The following EFCAB6 variants were observed in gnomAD, a reference collection of about 807,000 sequenced individuals.
The protein encoded by EFCAB6 is EF-hand calcium binding domain 6.
EFCAB6 carries 156 observed loss-of-function variants against 169.8 expected under a neutral mutation model. The observed-to-expected ratio is 0.92, with a 90% CI of 0.81 to 1.05. The LOEUF is 1.05. Ranked by LOEUF, EFCAB6 falls within the 50% of genes least tolerant of loss-of-function variation. The probability of loss-of-function intolerance (pLI) is 0.00; values close to 1 mark genes in which losing one functional copy is unlikely to be tolerated. For synonymous variants in EFCAB6, 698 were observed against 676.4 expected (o/e 1.03, Z -0.50); for missense variants, 1,800 against 1,829.1 (o/e 0.98, Z 0.29).
At chr22:43,556,427 T>A (rs1456441401) in intron 26 of EFCAB6, among the ~76,000 whole-genome samples, 2 of 152,106 alleles carry the variant, frequency 1.3e-5, no homozygotes, top group Non-Finnish European at 2.9e-5. Context: ...AAGAAAGCTG[T>A]TCCTGTACGT....
chr22:43,595,372 G>C (rs1357469397), intron 23 of EFCAB6, among the ~76,000 whole-genome samples: 1 of 151,866 alleles, frequency 6.6e-6, no homozygotes, highest in African/African-American at 2.4e-5. Context: ...CAAACTTTTA[G>C]CTAGACTATG....
At chr22:43,641,987 C>A (rs2055835847) in intron 17 of EFCAB6, among the ~76,000 whole-genome samples, 2 of 152,196 alleles carry the variant, frequency 1.3e-5, no homozygotes. Context: ...ATTGCCCAGT[C>A]TGAAGTGCAA....
intron 5 of EFCAB6, among the ~76,000 whole-genome samples, chr22:43,762,728 C>T (rs1258031068): frequency 1.3e-5 from 2 of 152,134 alleles, no homozygotes; most frequent in African/African-American, 4.8e-5. Context: ...TGATCTCTTT[C>T]ATCTCAAATT....
chr22:43,682,856 C>T (rs192103460), intron 12 of EFCAB6, among the ~76,000 whole-genome samples: 3 of 152,300 alleles, frequency 2.0e-5, no homozygotes, highest in East Asian at 3.9e-4. Context: ...ATTCAAAGAA[C>T]CCCATGTTCC....
intron 5 of EFCAB6, among the ~76,000 whole-genome samples, chr22:43,764,246 T>C (rs1283988515): frequency 1.3e-5 from 2 of 151,572 alleles, no homozygotes; most frequent in Non-Finnish European, 2.9e-5. Context: ...GCTGTTCCCA[T>C]CTTTATGTCC....
At chr22:43,552,841 G>T (rs1051924314) in intron 27 of EFCAB6, 5 of 151,994 alleles carry the variant, frequency 3.3e-5, no homozygotes, top group African/African-American at 1.2e-4. Context: ...TTGATTACTT[G>T]GCCCCATAGA....
intron 6 of EFCAB6, among the ~76,000 whole-genome samples, chr22:43,755,124 A>G (rs2060908330): frequency 6.6e-6 from 1 of 152,228 alleles, no homozygotes; most frequent in Non-Finnish European, 1.5e-5. Flanking sequence ...TCAAACCAAC[A>G]TATTGAATCA....
chr22:43,590,742 C>CAA (rs553431883), intron 23 of EFCAB6, among the ~76,000 whole-genome samples: 4,678 of 80,054 alleles, frequency 0.058, 91 homozygotes, highest in African/African-American at 0.071. Context: ...GTTTGAAGGC[C>CAA]AAAAAAAAAA....
rs569758400 is a variant in EFCAB6 at position 43,705,769 on chromosome 22, T to C, written c.1031+5706A>G. ...ATTCTAAGAGGAAAGTTTATACCAA[T>C]AAATGCCTACACCAAACAAGAAGAT... is the stretch of plus-strand genomic sequence containing the variant. On this transcript the variant is annotated intron_variant, in intron 10 of 31. Transcript: ENST00000262726. Among the ~76,000 whole-genome samples, 4 of 152,112 alleles carry C rather than the reference T, an allele frequency of 2.6e-5. No homozygotes were observed. In the South Asian group the frequency reaches 8.3e-4, roughly 32 times the overall value.
chr22:43,612,473 TA>T (rs1342439955), intron 21 of EFCAB6, among the ~76,000 whole-genome samples: 2 of 152,136 alleles, frequency 1.3e-5, no homozygotes, highest in Non-Finnish European at 2.9e-5. Flanking sequence ...CATGAACAGA[TA>T]CTTTTCAAAA....
At chr22:43,675,322 CTATAATATATAA>C in intron 13 of EFCAB6, among the ~76,000 whole-genome samples, 1 of 33,748 alleles carries the variant, frequency 3.0e-5, no homozygotes. Flanking sequence ...GTATATTATA[CTATAATATATAA>C]TATAATATAC....
intron 27 of EFCAB6, among the ~76,000 whole-genome samples, chr22:43,545,101 C>T (rs73430069): frequency 0.034 from 5,235 of 152,186 alleles, 101 homozygotes; most frequent in Non-Finnish European, 0.039. Flanking sequence ...GAGCCGAGAT[C>T]GCACCACTGT....
At chr22:43,790,193 G>C (rs370111778) in intron 2 of EFCAB6, among the ~76,000 whole-genome samples, 2 of 152,154 alleles carry the variant, frequency 1.3e-5, no homozygotes, top group East Asian at 1.9e-4. Context: ...GGTCCTGTAC[G>C]TAAGAACCAC....
rs917506915 is a variant in EFCAB6, at chr22:43,728,055, C to T, written c.757+3644G>A. ...ATTAGGTATTTCTTCTAATGTTATC[C>T]CTCCCCTTTGCCCCCACCCCATGAC... On this transcript the variant is annotated intron_variant, in intron 8 of 31. Coordinates refer to ENST00000262726, the MANE Select transcript of EFCAB6 (RefSeq NM_022785.4). Among the ~76,000 whole-genome samples, 6 of 152,006 alleles carry T rather than the reference C, an allele frequency of 3.9e-5. 1 individual carries two copies. In the East Asian group the frequency reaches 5.8e-4, roughly 15 times the overall value.
chr22:43,667,967 C>T (rs74585620), intron 16 of EFCAB6, among the ~76,000 whole-genome samples: 39 of 152,238 alleles, frequency 2.6e-4, no homozygotes, highest in African/African-American at 8.9e-4. Context: ...TTCCCCGCTG[C>T]GTCTCCTGAT....
chr22:43,733,132 CT>C (rs1385991490), intron 7 of EFCAB6, among the ~76,000 whole-genome samples: 13 of 152,136 alleles, frequency 8.5e-5, no homozygotes, highest in African/African-American at 3.1e-4. Flanking sequence ...GGTGTGATCG[CT>C]GCCAGATGTT....
intron 26 of EFCAB6, among the ~76,000 whole-genome samples, chr22:43,563,031 A>G (rs1280985620): frequency 6.6e-6 from 1 of 152,194 alleles, no homozygotes; most frequent in African/African-American, 2.4e-5. Flanking sequence ...TTCCCAGCCC[A>G]GGTCCTGGCC....
chr22:43,655,627 A>G (rs2056699872), intron 17 of EFCAB6, among the ~76,000 whole-genome samples: 1 of 152,192 alleles, frequency 6.6e-6, no homozygotes, highest in African/African-American at 2.4e-5. Flanking sequence ...CATTACAATG[A>G]CAGATATAAA....
intron 8 of EFCAB6, among the ~76,000 whole-genome samples, chr22:43,722,871 C>G (rs2059589284): frequency 6.6e-6 from 1 of 152,038 alleles, no homozygotes; most frequent in African/African-American, 2.4e-5. Flanking sequence ...TACCACACAG[C>G]CATAAAAAAG....
Sources: gnomAD v4.1 joint callset for allele counts (sites outside exome capture counted in the v4.1 genomes callset) on GRCh38, gnomAD v4.1.1 for gene constraint, MANE v1.5 for transcripts, NCBI Gene and HGNC (gene_info 2026-07-23, HGNC 2026-07-21) for gene names.